Variants in RHD observed in about 807,000 individuals in gnomAD.
RHD encodes the protein blood group Rh(D) polypeptide.
In RHD, 16 loss-of-function variants were observed where a neutral mutation model predicts 45.5. The observed-to-expected ratio is 0.35, with a 90% CI of 0.24 to 0.53. RHD has a LOEUF of 0.53. Ranked by LOEUF, RHD falls within the 20% of genes least tolerant of loss-of-function variation. RHD has a pLI of 0.92. For synonymous variants in RHD, 131 were observed against 217.5 expected (o/e 0.60, Z 3.50); for missense variants, 306 against 532.0 (o/e 0.58, Z 4.18).
intron 7 of RHD, among the ~76,000 whole-genome samples, chr1:25,314,329 GC>G: frequency 7.5e-6 from 1 of 132,860 alleles, no homozygotes; most frequent in African/African-American, 2.6e-5. Flanking sequence ...ACTAAATGGA[GC>G]ACTTTTAATA....
intron 1 of RHD, among the ~76,000 whole-genome samples, chr1:25,273,182 C>A (rs1466093654): frequency 7.7e-6 from 1 of 130,018 alleles, no homozygotes; most frequent in African/African-American, 2.6e-5. Flanking sequence ...GTTGCCCAGG[C>A]TGAAGTGCAG....
In RHD at chr1:25,282,328, G is replaced by A. The variant is rs546311217; in HGVS notation, c.149-2245G>A. Among the ~76,000 whole-genome samples, 288 of 131,024 alleles carry A rather than the reference G, an allele frequency of 2.2e-3. 72 individuals are homozygous for A. The highest frequency in any genetic ancestry group is 3.8e-3 in the Non-Finnish European group (213 of 55,334). 86.0% of individuals were successfully genotyped at this position (131,024 alleles called of 152,430 possible). On this transcript the variant is annotated intron_variant, in intron 1 of 9. Coordinates refer to ENST00000328664, the MANE Select transcript of RHD (RefSeq NM_016124.6). ...CAGCTCACTGCAACCTCTGCCTCCC[G>A]GGTTCAAGCGATTCTCCTGCCTGCC...
chr1:25,284,832 T>A, intron 2 of RHD, 73 bp downstream of exon 2: 2 of 1,272,672 alleles, frequency 1.6e-6, no homozygotes, highest in Non-Finnish European at 2.3e-6. Context: ...TTCCAGAAGA[T>A]CTGGGATATT....
rs1392214248 is a variant in RHD at position 25,312,759 on chromosome 1, A to T, written c.1074-4241A>T. Among the ~76,000 whole-genome samples, 9 of 117,128 alleles carry T rather than the reference A, an allele frequency of 7.7e-5. 2 individuals carry two copies. The highest frequency in any genetic ancestry group is 2.0e-4 in the East Asian group (1 of 4,966). The allele number at this position is 117,128 out of a possible 152,430, so 76.8% of individuals were successfully genotyped here. A position where few individuals can be genotyped will look rare whatever the true frequency, so the allele number is the denominator to read the frequency against. On this transcript the variant is annotated intron_variant, in intron 7 of 9. Transcript: ENST00000328664. Reference sequence around the variant, plus strand: ...AGTGAGACTCTGTCTCTACAAATAAAATTAAATAAACTTAGCTGGATATGG... The same window carrying T: ...AGTGAGACTCTGTCTCTACAAATAATATTAAATAAACTTAGCTGGATATGG...
In RHD at chr1:25,301,688, T is replaced by A; in HGVS notation, c.801+2T>A. On this transcript the variant is annotated splice_donor_variant, in intron 5 of 9. Coordinates refer to ENST00000328664, the MANE Select transcript of RHD (RefSeq NM_016124.6). LOFTEE classifies it high-confidence loss of function. ...CACCCCCAAGGGAAGATCAGCAAGG[T>A]GAGCAGGGCGCTGCCCTTGGGCAGC... 7.3e-7 allele frequency: 1 copy of A among 1,378,750 alleles called. No individual in the cohort carries two copies. The highest frequency in any genetic ancestry group is 1.0e-6 in the Non-Finnish European group (1 of 978,208). 85.4% of individuals were successfully genotyped at this position (1,378,750 alleles called of 1,614,324 possible).
At chr1:25,297,494 G>A (rs1390815467) in intron 3 of RHD, among the ~76,000 whole-genome samples, 1 of 121,674 alleles carries the variant, frequency 8.2e-6, no homozygotes, top group Non-Finnish European at 1.9e-5. Context: ...TTCACCCACT[G>A]ATTTTAGTGT....
In RHD at chr1:25,274,452, G is replaced by A. The variant is rs566880665; in HGVS notation, c.148+1757G>A. Among the ~76,000 whole-genome samples, 85 of 132,170 alleles carry A rather than the reference G, an allele frequency of 6.4e-4. 14 individuals are homozygous for A. The highest frequency in any genetic ancestry group is 2.1e-3 in the African/African-American group (81 of 38,876). 86.7% of individuals were successfully genotyped at this position (132,170 alleles called of 152,430 possible). On this transcript the variant is annotated intron_variant, in intron 1 of 9. Coordinates refer to ENST00000328664, the MANE Select transcript of RHD (RefSeq NM_016124.6). ...GGTCCATGTTCTTTACCCCTGCACC[G>A]TGCTACTAACGTAGGTACAAAATGT... is the stretch of plus-strand genomic sequence containing the variant.
intron 1 of RHD, among the ~76,000 whole-genome samples, chr1:25,281,277 A>C (rs1191932156): frequency 1.6e-5 from 2 of 128,540 alleles, no homozygotes; most frequent in Non-Finnish European, 1.8e-5. Flanking sequence ...AGCTTTCATA[A>C]ACTTTTCCTG....
intron 2 of RHD, among the ~76,000 whole-genome samples, chr1:25,288,441 A>G (rs1249862327): frequency 7.8e-6 from 1 of 128,152 alleles, no homozygotes; most frequent in African/African-American, 2.7e-5. Flanking sequence ...CAGCCTCCCA[A>G]AGTGCGAAGA....
intron 3 of RHD, among the ~76,000 whole-genome samples, chr1:25,299,330 C>T (rs1215806764): frequency 7.7e-6 from 1 of 130,626 alleles, no homozygotes; most frequent in Non-Finnish European, 1.8e-5. Flanking sequence ...TGCAGTGAGC[C>T]AAGATGGCAC....
chr1:25,276,952 A>C lies in RHD; in HGVS notation c.148+4257A>C, dbSNP rs1571575558. ...TGTGGTGGCGGGTGCCTGTAGTCCC[A>C]GCTACTTGGGAGGCTGAGGCAGGAG... On this transcript the variant is annotated intron_variant, in intron 1 of 9. Coordinates refer to ENST00000328664, the MANE Select transcript of RHD (RefSeq NM_016124.6). 1.5e-5 allele frequency among the ~76,000 whole-genome samples: 2 copies of C among 131,302 alleles called. 1 individual carries two copies. Among genetic ancestry groups the C allele is most frequent in the South Asian group, 4.7e-4 (2 of 4,296 alleles). 86.1% of individuals were successfully genotyped at this position (131,302 alleles called of 152,430 possible). A position where few individuals can be genotyped will look rare whatever the true frequency, so the allele number is the denominator to read the frequency against.
At chr1:25,313,339 A>G (rs1190356905) in intron 7 of RHD, among the ~76,000 whole-genome samples, 1 of 132,580 alleles carries the variant, frequency 7.5e-6, no homozygotes, top group African/African-American at 2.6e-5. Context: ...TTATTTTACA[A>G]ATTACCCATT....
At position 25,299,970 on chromosome 1, in the gene RHD, G is replaced by A. The variant is rs1309618215; in HGVS notation, c.487-976G>A. Among the ~76,000 whole-genome samples, 5 of 130,420 alleles carry A rather than the reference G, an allele frequency of 3.8e-5. 2 individuals are homozygous for A. Among genetic ancestry groups the A allele is most frequent in the Non-Finnish European group, 9.0e-5 (5 of 55,372 alleles). 85.6% of individuals were successfully genotyped at this position (130,420 alleles called of 152,430 possible). Reference sequence around the variant, plus strand: ...TTGCCATGTTGGCCAGGCTGGTATCGAACTCCTGACCTCAGGTGATCCACC... The same window carrying A: ...TTGCCATGTTGGCCAGGCTGGTATCAAACTCCTGACCTCAGGTGATCCACC... On this transcript the variant is annotated intron_variant, in intron 3 of 9. Transcript: ENST00000328664.
chr1:25,279,208 C>G lies in RHD; in HGVS notation c.149-5365C>G, dbSNP rs902185294. ...GAGAGCAGTCTTGCCTAAAGTCACA[C>G]CGCTAATCAGCGGCCGGCACGGGGT... On this transcript the variant is annotated intron_variant, in intron 1 of 9. Coordinates refer to ENST00000328664, the MANE Select transcript of RHD (RefSeq NM_016124.6). Among the ~76,000 whole-genome samples, 4 of 125,876 alleles carry G rather than the reference C, an allele frequency of 3.2e-5. 1 individual carries two copies. The highest frequency in any genetic ancestry group is 1.1e-4 in the African/African-American group (4 of 36,360). 82.6% of individuals were successfully genotyped at this position (125,876 alleles called of 152,430 possible). A position where few individuals can be genotyped will look rare whatever the true frequency, so the allele number is the denominator to read the frequency against.
chr1:25,295,991 T>G (rs1362788523), intron 3 of RHD, among the ~76,000 whole-genome samples: 1 of 116,324 alleles, frequency 8.6e-6, no homozygotes, highest in East Asian at 2.1e-4. Context: ...GCTTCCCGAG[T>G]AGCTGAGATT....
chr1:25,273,849 G>A (rs1194231994), intron 1 of RHD, among the ~76,000 whole-genome samples: 3 of 129,154 alleles, frequency 2.3e-5, no homozygotes, highest in African/African-American at 7.9e-5. Flanking sequence ...TGATATGAAC[G>A]GCTAGTTAAC....
rs534695161 is a variant in RHD at position 25,297,388 on chromosome 1, G to C, written c.487-3558G>C. ...ATTGGGTTAAGATGGTACCTGCCAGGATCTTCCACTGCAAAGTTACTATTT... is the reference window on the plus strand; with the variant it reads ...ATTGGGTTAAGATGGTACCTGCCAGCATCTTCCACTGCAAAGTTACTATTT... On this transcript the variant is annotated intron_variant, in intron 3 of 9. Transcript: ENST00000328664. 4.6e-4 allele frequency among the ~76,000 whole-genome samples: 46 copies of C among 100,804 alleles called. 6 individuals are homozygous for C. The Middle Eastern group carries it at 0.014, about 30-fold the overall frequency. The allele number at this position is 100,804 out of a possible 152,430, so 66.1% of individuals were successfully genotyped here.
At position 25,284,611 on chromosome 1, in the gene RHD, G is replaced by T. The variant is rs769067428; in HGVS notation, c.187G>T (p.Gly63Cys). Residue 63 changes from glycine to cysteine, a missense_variant, in exon 2 of 10, where the codon GGC (glycine) becomes TGC (cysteine). Transcript: ENST00000328664. ...DLTVMAAIGL[G>C]FLTSSFRRHS... is the part of the protein sequence containing the mutation. ...GACCGTGATGGCGGCCATTGGCTTG[G>T]GCTTCCTCACCTCGAGTTTCCGGAG... The T allele has an allele frequency of 1.2e-5, 16 of 1,389,188 alleles. No individual in the cohort carries two copies. The South Asian group carries it at 1.6e-4, about 14-fold the overall frequency. 86.1% of individuals were successfully genotyped at this position (1,389,188 alleles called of 1,614,324 possible).
rs572938521 is a variant in RHD at position 25,280,913 on chromosome 1, T to C, written c.149-3660T>C. On this transcript the variant is annotated intron_variant, in intron 1 of 9. Coordinates refer to ENST00000328664, the MANE Select transcript of RHD (RefSeq NM_016124.6). ...CTGGGATTACAGGTGTGAGCCACCA[T>C]ACCTGGTCTGACTTCCTAATCTTTA... Among the ~76,000 whole-genome samples, 36 of 132,602 alleles carry C rather than the reference T, an allele frequency of 2.7e-4. 6 individuals are homozygous for C. Among genetic ancestry groups the C allele is most frequent in the East Asian group, 5.9e-4 (3 of 5,116 alleles). 87.0% of individuals were successfully genotyped at this position (132,602 alleles called of 152,430 possible).
Sources: gnomAD v4.1 joint callset for allele counts (sites outside exome capture counted in the v4.1 genomes callset) on GRCh38, gnomAD v4.1.1 for gene constraint, MANE v1.5 for transcripts, NCBI Gene and HGNC (gene_info 2026-07-23, HGNC 2026-07-21) for gene names.